The following JARID2 variants were observed in gnomAD, a reference collection of about 807,000 sequenced individuals.
JARID2 encodes jumonji and AT-rich interaction domain containing 2, also known as protein Jumonji.
A neutral mutation model predicts 125.6 loss-of-function variants in JARID2; 21 were observed. That is an observed-to-expected ratio of 0.17 (90% CI 0.12 to 0.24). JARID2 has a LOEUF of 0.24. Among genes scored for constraint, JARID2 ranks in the 10% least tolerant of loss-of-function variants. The pLI is 1.00. For synonymous variants in JARID2, 736 were observed against 661.6 expected (o/e 1.11, Z -1.73); for missense variants, 1,303 against 1,639.6 (o/e 0.79, Z 3.55).
intron 1 of JARID2, among the ~76,000 whole-genome samples, chr6:15,334,477 C>T (rs1468230371): frequency 1.3e-5 from 2 of 152,126 alleles, no homozygotes; most frequent in East Asian, 3.9e-4. Flanking sequence ...TCCATTCATT[C>T]CCTGCCACTA....
intron 1 of JARID2, among the ~76,000 whole-genome samples, chr6:15,281,381 G>C (rs543919501): frequency 6.6e-6 from 1 of 152,326 alleles, no homozygotes; most frequent in African/African-American, 2.4e-5. Context: ...ATACATTGTG[G>C]TATGTGTGAA....
intron 2 of JARID2, among the ~76,000 whole-genome samples, chr6:15,408,095 C>T (rs1186221680): frequency 6.6e-6 from 1 of 152,084 alleles, no homozygotes; most frequent in Non-Finnish European, 1.5e-5. Flanking sequence ...GAAACCCCAT[C>T]TCTACAAAAA....
At chr6:15,501,773 C>T (rs1030678938) in intron 8 of JARID2, among the ~76,000 whole-genome samples, 12 of 152,162 alleles carry the variant, frequency 7.9e-5, no homozygotes, top group African/African-American at 1.9e-4. Flanking sequence ...CCTAGGGCCT[C>T]GGGTTTCCTT....
At chr6:15,395,227 G>T (rs955916590) in intron 2 of JARID2, among the ~76,000 whole-genome samples, 1 of 152,022 alleles carries the variant, frequency 6.6e-6, no homozygotes, top group African/African-American at 2.4e-5. Flanking sequence ...TTTTGTCAGA[G>T]TCAGAAATTC....
At chr6:15,280,764 GATTACAAGA>G (rs1760720621) in intron 1 of JARID2, among the ~76,000 whole-genome samples, 1 of 151,888 alleles carries the variant, frequency 6.6e-6, no homozygotes, top group Admixed American at 6.6e-5. Context: ...GAATAGCTGG[GATTACAAGA>G]ATGAGCCACC....
rs542146662 is a variant in JARID2 at position 15,417,741 on chromosome 6, C to CA, written c.323+7385dup. On this transcript the variant is annotated intron_variant, in intron 3 of 17. Coordinates refer to ENST00000341776, the MANE Select transcript of JARID2 (RefSeq NM_004973.4). The stretch of plus-strand genomic sequence containing the variant: ...TGGGGGACAGATCCAGACTCTGTCT[C>CA]AAAAAAAAACTAAATAAGCGAATAA... Among the ~76,000 whole-genome samples the CA allele has an allele frequency of 2.2e-3, 328 of 149,508 alleles. 1 individual carries two copies. Among genetic ancestry groups the CA allele is most frequent in the Non-Finnish European group, 3.0e-3 (205 of 67,330 alleles).
At chr6:15,409,990 C>G (rs1341605466) in intron 2 of JARID2, among the ~76,000 whole-genome samples, 1 of 152,180 alleles carries the variant, frequency 6.6e-6, no homozygotes, top group Non-Finnish European at 1.5e-5. Context: ...CAAATTTCTG[C>G]TCAAATTTCT....
intron 1 of JARID2, chr6:15,247,809 TAGAA>T (rs1017445965): frequency 1.2e-5 from 12 of 985,296 alleles, no homozygotes; most frequent in Admixed American, 6.2e-5. Flanking sequence ...AAGCCCAACT[TAGAA>T]AGCTGTTCCA....
chr6:15,501,415 G>A lies in JARID2; in HGVS notation c.2448+6G>A, dbSNP rs761091027. ...TCCACAAGTGCATCTATAAGGTAGG[G>A]GCCTCCGCAGAGCAGCCACTCCCAG... On this transcript the variant is annotated splice_donor_region_variant and intron_variant, in intron 8 of 17. Coordinates refer to ENST00000341776, the MANE Select transcript of JARID2 (RefSeq NM_004973.4). The A allele has an allele frequency of 5.3e-5, 81 of 1,525,126 alleles. No individual in the cohort carries two copies. The highest frequency in any genetic ancestry group is 6.8e-5 in the Non-Finnish European group (78 of 1,139,386). 94.5% of individuals were successfully genotyped at this position (1,525,126 alleles called of 1,614,324 possible).
At position 15,248,923 on chromosome 6, in the gene JARID2, C is replaced by T. The variant is rs561962851; in HGVS notation, c.45+2339C>T. The T allele has an allele frequency of 2.2e-4, 219 of 985,744 alleles. No homozygotes were observed. In the Middle Eastern group the frequency reaches 5.7e-3, roughly 26 times the overall value. The allele number at this position is 985,744 out of a possible 1,614,324, so 61.1% of individuals were successfully genotyped here. A position where few individuals can be genotyped will look rare whatever the true frequency, so the allele number is the denominator to read the frequency against. On this transcript the variant is annotated intron_variant, in intron 1 of 17. Transcript: ENST00000341776. The stretch of plus-strand genomic sequence containing the variant: ...AGGAGGAAGAGGAGGAAGATGCGCT[C>T]GGCCTCTGCCTTCCGCTCCGGAGCG...
chr6:15,500,796 G>T, intron 7 of JARID2, 111 bp from the exon 8 acceptor site: 1 of 927,966 alleles, frequency 1.1e-6, no homozygotes, highest in Non-Finnish European at 1.7e-6. Context: ...CCCAGAGCCT[G>T]TCAGAGTCCT....
intron 8 of JARID2, among the ~76,000 whole-genome samples, chr6:15,503,100 C>T (rs547463502): frequency 6.1e-4 from 93 of 152,306 alleles, no homozygotes; most frequent in Admixed American, 5.9e-3. Context: ...GATTTCATCA[C>T]GGAAATATAG....
intron 1 of JARID2, among the ~76,000 whole-genome samples, chr6:15,292,082 TCTCGG>T (rs1761239306): frequency 6.6e-6 from 1 of 152,164 alleles, no homozygotes; most frequent in Admixed American, 6.5e-5. Flanking sequence ...AGTGGCGCCA[TCTCGG>T]CTCACTGCAA....
chr6:15,309,978 T>G (rs144987114), intron 1 of JARID2, among the ~76,000 whole-genome samples: 86 of 152,276 alleles, frequency 5.6e-4, no homozygotes, highest in African/African-American at 1.5e-3. Flanking sequence ...CTAGAAAGCT[T>G]CTTCTTCCAA....
chr6:15,334,487 A>G (rs1434235300), intron 1 of JARID2, among the ~76,000 whole-genome samples: 1 of 152,176 alleles, frequency 6.6e-6, no homozygotes, highest in Admixed American at 6.5e-5. Context: ...CCCTGCCACT[A>G]CTTTTCTGAT....
At chr6:15,332,728 C>G (rs915531010) in intron 1 of JARID2, among the ~76,000 whole-genome samples, 28 of 152,122 alleles carry the variant, frequency 1.8e-4, no homozygotes, top group African/African-American at 6.5e-4. Context: ...CTAGATCCTG[C>G]AGAGCTGGAA....
chr6:15,482,455 C>A (rs1351568845), intron 5 of JARID2, among the ~76,000 whole-genome samples: 2 of 152,224 alleles, frequency 1.3e-5, no homozygotes, highest in East Asian at 3.9e-4. Context: ...TGACACAAAC[C>A]AGTTACGTGT....
At chr6:15,402,248 C>T (rs1021983414) in intron 2 of JARID2, among the ~76,000 whole-genome samples, 5 of 152,098 alleles carry the variant, frequency 3.3e-5, no homozygotes, top group South Asian at 2.1e-4. Flanking sequence ...TGGCACTTGT[C>T]GATCGAGTTA....
chr6:15,511,472 T>G, intron 13 of JARID2, 71 bp downstream of exon 13: 1 of 1,031,238 alleles, frequency 9.7e-7, no homozygotes, highest in South Asian at 1.3e-5. Context: ...TGGTTTCCCA[T>G]GAACCCGCCT....
Sources: allele counts gnomAD v4.1 joint callset (sites outside exome capture counted in the v4.1 genomes callset), GRCh38; gene constraint gnomAD v4.1.1; transcripts MANE v1.5; gene names NCBI Gene and HGNC (gene_info 2026-07-23, HGNC 2026-07-21).